Variants in DNAH17 observed in about 807,000 individuals in gnomAD.
DNAH17 encodes the protein dynein axonemal heavy chain 17.
DNAH17 carries 376 observed loss-of-function variants against 485.6 expected under a neutral mutation model. That is an observed-to-expected ratio of 0.77 (90% CI 0.71 to 0.84). The LOEUF is 0.84. DNAH17 is among the 40% of genes least tolerant of loss of function. The probability of loss-of-function intolerance (pLI) is 0.00; values close to 1 mark genes in which losing one functional copy is unlikely to be tolerated. For synonymous variants in DNAH17, 3,031 were observed against 2,405.9 expected (o/e 1.26, Z -7.60); for missense variants, 6,370 against 5,839.3 (o/e 1.09, Z -2.96).
At chr17:78,437,398 T>C (rs770498953) in intron 74 of DNAH17, among the ~76,000 whole-genome samples, 3 of 147,228 alleles carry the variant, frequency 2.0e-5, no homozygotes, top group Admixed American at 6.6e-5. Context: ...GATTAAAAAC[T>C]ATGTGTTTCT....
At position 78,519,224 on chromosome 17, in the gene DNAH17, T is replaced by G. The variant is rs139053727; in HGVS notation, c.3865-4202A>C. 9.9e-4 allele frequency among the ~76,000 whole-genome samples: 135 copies of G among 136,716 alleles called. 1 individual carries two copies. The highest frequency in any genetic ancestry group is 3.5e-3 in the African/African-American group (131 of 36,950). 89.7% of individuals were successfully genotyped at this position (136,716 alleles called of 152,430 possible). A position where few individuals can be genotyped will look rare whatever the true frequency, so the allele number is the denominator to read the frequency against. On this transcript the variant is annotated intron_variant, in intron 25 of 80. Transcript: ENST00000389840. Reference sequence around the variant, plus strand: ...GTAAAATATACTTCTAAATCATCCATGGGTCAAAGAGGAAGCCTCAAAAGA... The same window carrying G: ...GTAAAATATACTTCTAAATCATCCAGGGGTCAAAGAGGAAGCCTCAAAAGA...
In DNAH17 at chr17:78,529,653, C is replaced by A; in HGVS notation, c.3326G>T (p.Gly1109Val). ...CCCCTCCTTGAGGGGCTTGGTCAAG[C>A]CCATTCTGGCGACTTTCATGAAGGC... Reference protein sequence around the residue: ...LEAFMKVARMGLTKPLKEGDY... With the variant: ...LEAFMKVARMVLTKPLKEGDY... The change falls in exon 22 of 81, where the codon GGC becomes GTC. Residue 1109 changes from glycine (G) to valine (V), a missense_variant. Gly to Val is a moderately radical substitution (Grantham distance 109). Coordinates refer to ENST00000389840, the MANE Select transcript of DNAH17 (RefSeq NM_173628.4). The A allele has an allele frequency of 2.5e-6, 4 of 1,613,986 alleles. No individual in the cohort carries two copies. Among genetic ancestry groups the A allele is most frequent in the Non-Finnish European group, 3.4e-6 (4 of 1,179,872 alleles).
intron 62 of DNAH17, among the ~76,000 whole-genome samples, 180 bp from the exon 63 acceptor site, chr17:78,456,016 G>A (rs955131170): frequency 6.6e-6 from 1 of 152,112 alleles, no homozygotes; most frequent in Non-Finnish European, 1.5e-5. Context: ...ATCATGCTTT[G>A]TGGCCGGGCG....
intron 74 of DNAH17, among the ~76,000 whole-genome samples, chr17:78,437,024 G>A (rs1272741752): frequency 2.0e-5 from 3 of 152,174 alleles, no homozygotes; most frequent in African/African-American, 7.2e-5. Context: ...CAGGTGCCAG[G>A]CAGGCCCTCA....
At chr17:78,430,564 T>C (rs112550464) in intron 75 of DNAH17, among the ~76,000 whole-genome samples, 5 of 152,342 alleles carry the variant, frequency 3.3e-5, no homozygotes, top group African/African-American at 1.2e-4. Context: ...TGAATTTATA[T>C]ACATATGTAT....
chr17:78,477,774 G>A (rs1462276475), intron 51 of DNAH17, among the ~76,000 whole-genome samples: 2 of 152,188 alleles, frequency 1.3e-5, no homozygotes, highest in African/African-American at 2.4e-5. Flanking sequence ...CCAAACTTAT[G>A]TGTTGTTGGA....
At chr17:78,428,462 C>T in intron 77 of DNAH17, 63 bp downstream of exon 77, 1 of 1,539,564 alleles carries the variant, frequency 6.5e-7, no homozygotes. Context: ...GTCCCTGTGA[C>T]CCCCTCCTCA....
chr17:78,468,586 C>A, intron 55 of DNAH17, 31 bp downstream of exon 55: 2 of 1,600,476 alleles, frequency 1.2e-6, no homozygotes, highest in Non-Finnish European at 1.7e-6. Flanking sequence ...AAGCTGGGCT[C>A]TTGAGGCCCT....
chr17:78,524,872 G>A, intron 25 of DNAH17, 137 bp downstream of exon 25: 1 of 1,238,266 alleles, frequency 8.1e-7, no homozygotes, highest in Middle Eastern at 2.7e-4. Flanking sequence ...GGGCCCTTCG[G>A]ATGCCTCCAC....
chr17:78,570,304 G>A lies in DNAH17; in HGVS notation c.987C>T (p.Asn329=). ...GGATGACGATGATCCTGGCAGGTGT[G>A]TTATAGTACTCAGAGGTGGCCCAGA... ...CFIWATSEYY[N]TPARIIVILQ... The change falls in exon 7 of 81, where the codon AAC becomes AAT. Residue 329 remains asparagine, a synonymous_variant. Coordinates refer to ENST00000389840, the MANE Select transcript of DNAH17 (RefSeq NM_173628.4). 1 of 1,603,722 alleles carries A rather than the reference G, an allele frequency of 6.2e-7. No individual in the cohort carries two copies. Among genetic ancestry groups the A allele is most frequent in the Non-Finnish European group, 8.5e-7 (1 of 1,175,514 alleles).
At chr17:78,444,538 G>T (rs758410500) in intron 71 of DNAH17, 66 bp downstream of exon 71, 19 of 1,442,278 alleles carry the variant, frequency 1.3e-5, no homozygotes, top group African/African-American at 8.7e-5. Context: ...TAGCACAGCC[G>T]CTCGGTCAAG....
chr17:78,561,815 GGATCA>G lies in DNAH17; in HGVS notation c.1730_1734del (p.Leu577ProfsTer49). Reference sequence around the variant, plus strand: ...CCGGCCACGGGAGGCATGTTTTTGTGGATCAGGGGGATGTTCCCCTCCTCGGAGGC... The same window carrying G: ...CCGGCCACGGGAGGCATGTTTTTGTGGGGGGATGTTCCCCTCCTCGGAGGC... On this transcript the variant is annotated frameshift_variant, in exon 12 of 81. Transcript: ENST00000389840. LOFTEE classifies it high-confidence loss of function. 1 of 1,613,866 alleles carries G rather than the reference GGATCA, an allele frequency of 6.2e-7. No individual in the cohort carries two copies. Among genetic ancestry groups the G allele is most frequent in the Non-Finnish European group, 8.5e-7 (1 of 1,179,842 alleles).
chr17:78,446,046 T>C (rs990937026), intron 69 of DNAH17, among the ~76,000 whole-genome samples: 2 of 151,682 alleles, frequency 1.3e-5, no homozygotes, highest in Non-Finnish European at 2.9e-5. Context: ...TGGTGGTGCA[T>C]GCCTGTAGTC....
chr17:78,545,643 G>A (rs1019765664), intron 16 of DNAH17, among the ~76,000 whole-genome samples: 3 of 152,164 alleles, frequency 2.0e-5, no homozygotes, highest in Non-Finnish European at 4.4e-5. Flanking sequence ...CAGGGATCAC[G>A]GCTTCCACAA....
At chr17:78,424,419 C>T in intron 80 of DNAH17, 1 of 427,002 alleles carries the variant, frequency 2.3e-6, no homozygotes, top group Non-Finnish European at 4.2e-6. Flanking sequence ...ATTTTCAGAG[C>T]CTCATCTGTC....
chr17:78,535,251 G>A (rs2091344749), intron 19 of DNAH17, among the ~76,000 whole-genome samples: 1 of 152,202 alleles, frequency 6.6e-6, no homozygotes, highest in Non-Finnish European at 1.5e-5. Context: ...CTGAGGACAT[G>A]TGCTAACCTA....
intron 26 of DNAH17, among the ~76,000 whole-genome samples, chr17:78,511,072 G>A (rs1022779144): frequency 6.6e-6 from 1 of 152,228 alleles, no homozygotes; most frequent in African/African-American, 2.4e-5. Flanking sequence ...CTGACACCCT[G>A]ATTTCAGAGT....
rs1318081622 is a variant in DNAH17 at position 78,479,029 on chromosome 17, A to G, written c.7988T>C (p.Phe2663Ser). Reference sequence around the variant, plus strand: ...ATAAAGCTACAAGAGCAGTACCTGGAAAATATTGGAGAGGTCCCTGAGGTT... The same window carrying G: ...ATAAAGCTACAAGAGCAGTACCTGGGAAATATTGGAGAGGTCCCTGAGGTT... Reference protein sequence around the residue: ...VFNLRDLSNIFQGLLFSTAEV... With the variant: ...VFNLRDLSNISQGLLFSTAEV... Residue 2663 changes from phenylalanine (F) to serine (S), a missense_variant, in exon 51 of 81, where the codon TTC (phenylalanine) becomes TCC (serine). Coordinates refer to ENST00000389840, the MANE Select transcript of DNAH17 (RefSeq NM_173628.4). 3 of 1,613,592 alleles carry G rather than the reference A, an allele frequency of 1.9e-6. No individual in the cohort carries two copies. In the African/African-American group the frequency reaches 4.0e-5, roughly 22 times the overall value.
chr17:78,510,628 G>T, intron 26 of DNAH17, 122 bp from the exon 27 acceptor site: 4 of 1,361,326 alleles, frequency 2.9e-6, no homozygotes, highest in Non-Finnish European at 4.1e-6. Flanking sequence ...TGGAGGGAGG[G>T]AGGCGAGCTC....
Sources: allele counts gnomAD v4.1 joint callset (sites outside exome capture counted in the v4.1 genomes callset), GRCh38; gene constraint gnomAD v4.1.1; transcripts MANE v1.5; gene names NCBI Gene and HGNC (gene_info 2026-07-23, HGNC 2026-07-21).